Variants in MFHAS1 observed in about 807,000 individuals in gnomAD.
MFHAS1 encodes multifunctional ROCO family signaling regulator 1, also known as malignant fibrous histiocytoma-amplified sequence 1.
A neutral mutation model predicts 70.4 loss-of-function variants in MFHAS1; 50 were observed. That is an observed-to-expected ratio of 0.71 (90% CI 0.57 to 0.90). The LOEUF (loss-of-function observed/expected upper bound fraction) is 0.90. Among genes scored for constraint, MFHAS1 ranks in the 40% least tolerant of loss-of-function variants. MFHAS1 has a pLI of 0.00. For synonymous variants in MFHAS1, 952 were observed against 620.0 expected (o/e 1.54, Z -7.96); for missense variants, 1,795 against 1,347.6 (o/e 1.33, Z -5.20).
At chr8:8,819,545 A>G (rs901339659) in intron 1 of MFHAS1, among the ~76,000 whole-genome samples, 1 of 149,430 alleles carries the variant, frequency 6.7e-6, no homozygotes, top group African/African-American at 2.5e-5. Flanking sequence ...CGGAGCTTGC[A>G]GTGAGCCAAG....
intron 1 of MFHAS1, among the ~76,000 whole-genome samples, chr8:8,802,131 G>A (rs1463235008): frequency 1.3e-5 from 2 of 152,180 alleles, no homozygotes; most frequent in Non-Finnish European, 2.9e-5. Flanking sequence ...TGTTGTTTAT[G>A]TACCATCTCA....
intron 1 of MFHAS1, among the ~76,000 whole-genome samples, chr8:8,872,836 C>A (rs147378726): frequency 4.7e-4 from 71 of 152,244 alleles, no homozygotes; most frequent in Middle Eastern, 3.4e-3. Flanking sequence ...AGAGCATGCA[C>A]ATGTGTGTTT....
At chr8:8,869,737 T>C (rs1333654290) in intron 1 of MFHAS1, among the ~76,000 whole-genome samples, 2 of 152,170 alleles carry the variant, frequency 1.3e-5, no homozygotes, top group Non-Finnish European at 1.5e-5. Flanking sequence ...GGTTAAAATT[T>C]TTCTTGAAAC....
At chr8:8,851,547 C>T (rs1044866295) in intron 1 of MFHAS1, among the ~76,000 whole-genome samples, 1 of 152,158 alleles carries the variant, frequency 6.6e-6, no homozygotes, top group Non-Finnish European at 1.5e-5. Flanking sequence ...ATTCATCCTA[C>T]CATGTAGTAC....
chr8:8,892,348 G>A lies in MFHAS1; in HGVS notation c.711C>T (p.Ala237=). ...AGCCGGCGGGCAGCGTGCCAAGCTC[G>A]GCCCCACTCAGCCAGAGGATCTTGA... ...RALKILWLSG[A]ELGTLPAGFC... is the part of the protein sequence containing the mutation. Residue 237 remains alanine (A), a synonymous_variant, in exon 1 of 3, where the codon GCC becomes GCT. Coordinates refer to ENST00000276282, the MANE Select transcript of MFHAS1 (RefSeq NM_004225.3). The surrounding 1 kb of genome is among the most constrained non-coding windows in gnomAD (Gnocchi z 4.7). The A allele has an allele frequency of 6.2e-7, 1 of 1,612,104 alleles. No individual in the cohort carries two copies. The highest frequency in any genetic ancestry group is 8.5e-7 in the Non-Finnish European group (1 of 1,179,958).
chr8:8,817,918 T>C (rs1806808062), intron 1 of MFHAS1, among the ~76,000 whole-genome samples: 2 of 152,114 alleles, frequency 1.3e-5, no homozygotes, highest in South Asian at 4.2e-4. Flanking sequence ...CAGATGAAAC[T>C]GCTCACTCCT....
At chr8:8,843,142 G>A (rs1426312813) in intron 1 of MFHAS1, among the ~76,000 whole-genome samples, 3 of 151,964 alleles carry the variant, frequency 2.0e-5, no homozygotes, top group Admixed American at 6.5e-5. Flanking sequence ...GGTGGCGGGC[G>A]CCTGTAGTCC....
chr8:8,794,123 G>C (rs776418559), intron 2 of MFHAS1, among the ~76,000 whole-genome samples: 51 of 152,066 alleles, frequency 3.4e-4, no homozygotes, highest in Non-Finnish European at 5.1e-4. Flanking sequence ...CCTGGAGGTG[G>C]AGTTTGCAAT....
intron 2 of MFHAS1, among the ~76,000 whole-genome samples, chr8:8,796,073 T>C (rs529056606): frequency 4.6e-5 from 7 of 152,304 alleles, no homozygotes; most frequent in Admixed American, 1.3e-4. Flanking sequence ...AGCGGCCTCT[T>C]TGGTTCTTAA....
At chr8:8,853,595 C>A (rs1055551190) in intron 1 of MFHAS1, among the ~76,000 whole-genome samples, 1 of 151,884 alleles carries the variant, frequency 6.6e-6, no homozygotes, top group African/African-American at 2.4e-5. Flanking sequence ...GAGATGGAGT[C>A]TTGTTCTGTC....
chr8:8,848,311 T>C (rs953807687), intron 1 of MFHAS1, among the ~76,000 whole-genome samples: 1 of 151,824 alleles, frequency 6.6e-6, no homozygotes, highest in South Asian at 2.1e-4. Flanking sequence ...GACTCCAATT[T>C]ACACACCGCT....
intron 2 of MFHAS1, among the ~76,000 whole-genome samples, chr8:8,794,024 C>T (rs1407840294): frequency 6.6e-6 from 1 of 151,908 alleles, no homozygotes; most frequent in East Asian, 1.9e-4. Flanking sequence ...CCCGTCTCTA[C>T]CAAAAAATAC....
intron 1 of MFHAS1, among the ~76,000 whole-genome samples, chr8:8,883,562 G>C (rs918068201): frequency 2.0e-5 from 3 of 151,848 alleles, no homozygotes; most frequent in Non-Finnish European, 4.4e-5. Flanking sequence ...ACAAAAATTA[G>C]CTGGGCGTGG....
At chr8:8,848,630 A>C (rs1160860682) in intron 1 of MFHAS1, among the ~76,000 whole-genome samples, 1 of 152,220 alleles carries the variant, frequency 6.6e-6, no homozygotes, top group Non-Finnish European at 1.5e-5. Context: ...ATTTTTTTTA[A>C]ACAATCAGAT....
In MFHAS1 at chr8:8,892,500, C is replaced by G. The variant is rs928920517; in HGVS notation, c.559G>C (p.Asp187His). ...GCAGTGAGCTGGTTGTGATCCACGTCCAGGGTGCGCAGGCGGGAGAGGCAG... is the reference window on the plus strand; with the variant it reads ...GCAGTGAGCTGGTTGTGATCCACGTGCAGGGTGCGCAGGCGGGAGAGGCAG... The part of the protein sequence containing the change: ...LSCLSRLRTL[D>H]VDHNQLTAFP... The change falls in exon 1 of 3, where the codon GAC (aspartate) becomes CAC (histidine). Residue 187 changes from aspartate (D) to histidine (H), a missense_variant. By Grantham distance (81) the Asp-to-His change is moderately conservative. Coordinates refer to ENST00000276282, the MANE Select transcript of MFHAS1 (RefSeq NM_004225.3). This position sits in a 1 kb window ranked among gnomAD's most constrained non-coding sequence, Gnocchi z 4.7. The G allele has an allele frequency of 6.2e-7, 1 of 1,604,470 alleles. No homozygotes were observed. The highest frequency in any genetic ancestry group is 1.3e-5 in the African/African-American group (1 of 74,742).
At chr8:8,830,142 T>C (rs575052179) in intron 1 of MFHAS1, among the ~76,000 whole-genome samples, 29 of 152,198 alleles carry the variant, frequency 1.9e-4, no homozygotes, top group African/African-American at 5.5e-4. Flanking sequence ...AGGACACATA[T>C]ATGAGGTGGC....
At chr8:8,884,079 C>CAA (rs1212188602) in intron 1 of MFHAS1, among the ~76,000 whole-genome samples, 16 of 122,768 alleles carry the variant, frequency 1.3e-4, no homozygotes, top group African/African-American at 5.1e-4. Flanking sequence ...CACACACACA[C>CAA]ACAAAAAGAA....
chr8:8,860,932 A>G (rs1041344551), intron 1 of MFHAS1, among the ~76,000 whole-genome samples: 2 of 152,194 alleles, frequency 1.3e-5, no homozygotes, highest in African/African-American at 4.8e-5. Flanking sequence ...TTTCATCACT[A>G]TGAAAGCCCA....
chr8:8,852,928 G>C (rs150171836), intron 1 of MFHAS1, among the ~76,000 whole-genome samples: 15 of 152,276 alleles, frequency 9.9e-5, no homozygotes, highest in Non-Finnish European at 1.8e-4. Flanking sequence ...AGAAGTGATT[G>C]CATTTCCATA....
Sources: allele counts gnomAD v4.1 joint callset (sites outside exome capture counted in the v4.1 genomes callset), GRCh38; gene constraint gnomAD v4.1.1; non-coding constraint Gnocchi (gnomAD v3.1); transcripts MANE v1.5; gene names NCBI Gene and HGNC (gene_info 2026-07-23, HGNC 2026-07-21).